Variants in DPP8 observed in about 807,000 individuals in gnomAD.
DPP8 encodes dipeptidyl peptidase 8.
A neutral mutation model predicts 107.5 loss-of-function variants in DPP8; 31 were observed. The observed-to-expected ratio is 0.29, with a 90% confidence interval of 0.22 to 0.39. The LOEUF is 0.39. Among genes scored for constraint, DPP8 ranks in the 10% least tolerant of loss-of-function variants. The pLI is 1.00. For missense variants in DPP8, 842 were observed against 1,076.1 expected (o/e 0.78, Z 3.04); for synonymous variants, 381 against 356.6 (o/e 1.07, Z -0.77).
At chr15:65,494,589 G>C (rs993911650) in intron 5 of DPP8, among the ~76,000 whole-genome samples, 1 of 142,990 alleles carries the variant, frequency 7.0e-6, no homozygotes, top group Non-Finnish European at 1.5e-5. Flanking sequence ...TGGGAGGATT[G>C]CTGCAGCCCC....
chr15:65,484,557 A>G (rs2067225461), intron 8 of DPP8, among the ~76,000 whole-genome samples: 1 of 151,936 alleles, frequency 6.6e-6, no homozygotes, highest in African/African-American at 2.4e-5. Flanking sequence ...AAAAAAGTCT[A>G]GAAGAGGAAG....
At chr15:65,499,239 T>TC (rs1441177294) in intron 4 of DPP8, among the ~76,000 whole-genome samples, 2 of 151,926 alleles carry the variant, frequency 1.3e-5, no homozygotes, top group Non-Finnish European at 2.9e-5. Context: ...TCCTTTTTTT[T>TC]TTTCTCTCTC....
At chr15:65,495,959 A>T (rs561017298) in intron 5 of DPP8, among the ~76,000 whole-genome samples, 2 of 151,826 alleles carry the variant, frequency 1.3e-5, no homozygotes, top group Non-Finnish European at 2.9e-5. Flanking sequence ...AACCTGTAAC[A>T]TATCTGTTAA....
intron 12 of DPP8, among the ~76,000 whole-genome samples, chr15:65,468,670 T>C (rs184976676): frequency 3.0e-4 from 46 of 152,242 alleles, no homozygotes; most frequent in African/African-American, 9.4e-4. Flanking sequence ...TAGGCCCACA[T>C]GACACATACA....
chr15:65,509,044 T>C (rs959419418), intron 2 of DPP8, among the ~76,000 whole-genome samples: 2 of 152,242 alleles, frequency 1.3e-5, no homozygotes, highest in Non-Finnish European at 2.9e-5. Flanking sequence ...CTTGCAAATG[T>C]TGAGGATAAG....
chr15:65,473,029 C>A (rs1387976536), intron 12 of DPP8, among the ~76,000 whole-genome samples: 2 of 151,882 alleles, frequency 1.3e-5, no homozygotes, highest in Admixed American at 6.6e-5. Context: ...CAAAGTCAGA[C>A]CCTGTCTCAA....
At position 65,487,702 on chromosome 15, in the gene DPP8, A is replaced by G. The variant is rs2067579349; in HGVS notation, c.943T>C (p.Tyr315His). ...LETRRADSFR[Y>H]PKTGTANPKV... The stretch of plus-strand genomic sequence containing the variant: ...TGGAGTACAGTACCTGTTTTAGGAT[A>G]ACGGAATGAATCTGCCCTCCTTGTT... Residue 315 changes from tyrosine to histidine, a missense_variant, in exon 7 of 20, where the codon TAT (tyrosine) becomes CAT (histidine). Coordinates refer to ENST00000300141, the MANE Select transcript of DPP8 (RefSeq NM_130434.5). 2 of 1,608,744 alleles carry G rather than the reference A, an allele frequency of 1.2e-6. No individual in the cohort carries two copies. The highest frequency in any genetic ancestry group is 8.5e-7 in the Non-Finnish European group (1 of 1,177,892).
intron 5 of DPP8, among the ~76,000 whole-genome samples, chr15:65,490,634 C>T (rs1436826040): frequency 2.0e-5 from 3 of 152,078 alleles, no homozygotes; most frequent in Admixed American, 1.3e-4. Context: ...TTAGCAGGAT[C>T]ATGGAAAAAA....
At chr15:65,487,192 T>C (rs1011275117) in intron 7 of DPP8, among the ~76,000 whole-genome samples, 3 of 152,084 alleles carry the variant, frequency 2.0e-5, no homozygotes, top group East Asian at 1.9e-4. Flanking sequence ...TCTTGTTGCC[T>C]AGGCTGGAGT....
At chr15:65,500,873 CTTTTTTTTTTT>C (rs781459910) in intron 3 of DPP8, 94 bp from the exon 4 acceptor site, 4 of 329,208 alleles carry the variant, frequency 1.2e-5, no homozygotes, top group South Asian at 4.0e-5. Context: ...ATTATTGACT[CTTTTTTTTTTT>C]TTTTTTTTTT....
At chr15:65,477,490 G>A (rs569131699) in intron 11 of DPP8, among the ~76,000 whole-genome samples, 1 of 151,506 alleles carries the variant, frequency 6.6e-6, no homozygotes, top group East Asian at 1.9e-4. Context: ...TGGAAAAAAT[G>A]GTCACAATGT....
At chr15:65,480,495 G>T in intron 9 of DPP8, 96 bp from the exon 10 acceptor site, 1 of 777,304 alleles carries the variant, frequency 1.3e-6, no homozygotes, top group Non-Finnish European at 2.0e-6. Flanking sequence ...AATTATATCT[G>T]TAATCACCAT....
chr15:65,449,585 T>C (rs1171417710), intron 19 of DPP8, among the ~76,000 whole-genome samples: 2 of 152,020 alleles, frequency 1.3e-5, no homozygotes, highest in East Asian at 1.9e-4. Context: ...AATTTTTGTA[T>C]TTTTCGTAGA....
chr15:65,476,521 G>A (rs529960440), intron 11 of DPP8, among the ~76,000 whole-genome samples: 83 of 152,202 alleles, frequency 5.5e-4, no homozygotes, highest in African/African-American at 2.0e-3. Flanking sequence ...ACTATCATCC[G>A]AACGTAGACA....
intron 7 of DPP8, among the ~76,000 whole-genome samples, chr15:65,487,241 T>C (rs1298719880): frequency 6.6e-6 from 1 of 152,006 alleles, no homozygotes; most frequent in African/African-American, 2.4e-5. Context: ...CCTCTGCCTC[T>C]TGGGTTCAAG....
rs529387554 is a variant in DPP8, at chr15:65,516,015, T to C, written c.-12+1471A>G. ...GTAGCCCAATATAGTCAAAAGAATATCCTAACATAGCAAACTTTGGTGTCC... is the reference window on the plus strand; with the variant it reads ...GTAGCCCAATATAGTCAAAAGAATACCCTAACATAGCAAACTTTGGTGTCC... On this transcript the variant is annotated intron_variant, in intron 1 of 19. Transcript: ENST00000300141. The C allele has an allele frequency of 6.2e-4, 252 of 409,524 alleles. 11 individuals carry two copies. In the South Asian group the frequency reaches 0.024, roughly 39 times the overall value. The allele number at this position is 409,524 out of a possible 1,614,324, so 25.4% of individuals were successfully genotyped here.
At chr15:65,475,248 G>A in intron 11 of DPP8, 1 of 536,184 alleles carries the variant, frequency 1.9e-6, no homozygotes. Flanking sequence ...TTGAGAGTAT[G>A]ACATTTACAG....
chr15:65,479,683 A>C (rs1447301393), intron 10 of DPP8, among the ~76,000 whole-genome samples: 1 of 151,556 alleles, frequency 6.6e-6, no homozygotes, highest in East Asian at 1.9e-4. Flanking sequence ...TCTCTACTAA[A>C]AATACAAAAA....
At chr15:65,463,297 G>A (rs2065068972) in intron 15 of DPP8, among the ~76,000 whole-genome samples, 1 of 152,188 alleles carries the variant, frequency 6.6e-6, no homozygotes, top group Non-Finnish European at 1.5e-5. Context: ...CCAACACTTT[G>A]GGAGCCTGAG....
Sources: allele counts gnomAD v4.1 joint callset (sites outside exome capture counted in the v4.1 genomes callset), GRCh38; gene constraint gnomAD v4.1.1; transcripts MANE v1.5; gene names NCBI Gene and HGNC (gene_info 2026-07-23, HGNC 2026-07-21).